PDLIM5: variants seen among roughly 807,000 people sequenced by gnomAD.
PDLIM5 encodes the protein PDZ and LIM domain protein 5.
A neutral mutation model predicts 64.2 loss-of-function variants in PDLIM5; 34 were observed. The observed-to-expected ratio is 0.53, with a 90% CI of 0.40 to 0.71. The LOEUF (loss-of-function observed/expected upper bound fraction) is 0.71. Ranked by LOEUF, PDLIM5 falls within the 30% of genes least tolerant of loss-of-function variation. The probability of loss-of-function intolerance (pLI) is 0.00; values close to 1 mark genes in which losing one functional copy is unlikely to be tolerated. For missense variants in PDLIM5, 683 were observed against 733.6 expected (o/e 0.93, Z 0.80); for synonymous variants, 253 against 269.1 (o/e 0.94, Z 0.59).
chr4:94,660,400 G>A (rs543244698), intron 11 of PDLIM5, among the ~76,000 whole-genome samples: 17 of 151,946 alleles, frequency 1.1e-4, no homozygotes, highest in Admixed American at 2.0e-4. Context: ...CTATATTCAC[G>A]TTTCATTGCA....
chr4:94,622,885 GGTC>G (rs1739357522), intron 8 of PDLIM5, among the ~76,000 whole-genome samples: 1 of 152,038 alleles, frequency 6.6e-6, no homozygotes, highest in African/African-American at 2.4e-5. Context: ...TGGCCAGGAT[GGTC>G]TCAATCTCCT....
At chr4:94,548,187 A>T (rs753911116) in intron 3 of PDLIM5, among the ~76,000 whole-genome samples, 5 of 152,182 alleles carry the variant, frequency 3.3e-5, no homozygotes, top group Non-Finnish European at 7.3e-5. Flanking sequence ...AAGAAATGGA[A>T]GTTTGAGTAA....
chr4:94,626,119 A>G (rs1422939136), intron 8 of PDLIM5, among the ~76,000 whole-genome samples: 2 of 152,216 alleles, frequency 1.3e-5, no homozygotes, highest in African/African-American at 4.8e-5. Flanking sequence ...GCTTTTCAAA[A>G]TGAATAGTTA....
intron 5 of PDLIM5, among the ~76,000 whole-genome samples, chr4:94,576,755 G>T (rs146833574): frequency 6.6e-6 from 1 of 152,044 alleles, no homozygotes; most frequent in African/African-American, 2.4e-5. Flanking sequence ...GTTTCTTATC[G>T]TTTTTCCCTT....
intron 2 of PDLIM5, among the ~76,000 whole-genome samples, chr4:94,515,685 G>A (rs1379426237): frequency 7.2e-5 from 11 of 152,210 alleles, no homozygotes; most frequent in Admixed American, 4.6e-4. Context: ...TGCTTGCACA[G>A]AATTTGCATA....
chr4:94,521,424 A>G lies in PDLIM5; in HGVS notation c.97-2300A>G, dbSNP rs541126148. Among the ~76,000 whole-genome samples, 9 of 152,232 alleles carry G rather than the reference A, an allele frequency of 5.9e-5. 1 individual carries two copies. The South Asian group carries it at 1.2e-3, about 21-fold the overall frequency. On this transcript the variant is annotated intron_variant, in intron 2 of 12. Transcript: ENST00000317968. Reference sequence around the variant, plus strand: ...AGGAATGGAAGGATGGACAGATCACATTTACATTGTTACATTTAGTAATTT... The same window carrying G: ...AGGAATGGAAGGATGGACAGATCACGTTTACATTGTTACATTTAGTAATTT...
chr4:94,497,759 A>C (rs774990), intron 2 of PDLIM5, among the ~76,000 whole-genome samples: 63,772 of 151,964 alleles, frequency 0.42, 15,833 homozygotes, highest in South Asian at 0.72. Flanking sequence ...TGCCCATTAG[A>C]ATGTATATCT....
intron 3 of PDLIM5, among the ~76,000 whole-genome samples, chr4:94,572,317 T>A (rs1361759934): frequency 2.0e-5 from 3 of 152,206 alleles, no homozygotes; most frequent in Non-Finnish European, 4.4e-5. Context: ...GTAAATAGGC[T>A]TTAAAACATT....
intron 7 of PDLIM5, among the ~76,000 whole-genome samples, chr4:94,595,099 T>C (rs568248880): frequency 6.6e-6 from 1 of 152,182 alleles, no homozygotes; most frequent in East Asian, 1.9e-4. Context: ...CACACACTTT[T>C]AAACAACCAG....
intron 2 of PDLIM5, among the ~76,000 whole-genome samples, chr4:94,506,343 A>C (rs1204358567): frequency 6.6e-6 from 1 of 152,180 alleles, no homozygotes; most frequent in Non-Finnish European, 1.5e-5. Flanking sequence ...ATGATTGACA[A>C]AATACCTTAG....
intron 4 of PDLIM5, among the ~76,000 whole-genome samples, chr4:94,575,093 T>C (rs1735140467): frequency 6.6e-6 from 1 of 152,036 alleles, no homozygotes; most frequent in Admixed American, 6.5e-5. Flanking sequence ...TTTTGTTTTT[T>C]TAAACTTAAA....
intron 2 of PDLIM5, among the ~76,000 whole-genome samples, chr4:94,476,902 C>G (rs1463737605): frequency 6.6e-6 from 1 of 152,092 alleles, no homozygotes; most frequent in Non-Finnish European, 1.5e-5. Context: ...TTATAGAGTT[C>G]CTGTGAATAT....
chr4:94,509,931 C>G (rs191404763), intron 2 of PDLIM5, among the ~76,000 whole-genome samples: 6 of 152,196 alleles, frequency 3.9e-5, no homozygotes, highest in Non-Finnish European at 8.8e-5. Flanking sequence ...CTCACAGACA[C>G]ACCCGGGATC....
chr4:94,645,071 C>G (rs1741306573), intron 9 of PDLIM5, among the ~76,000 whole-genome samples: 1 of 152,160 alleles, frequency 6.6e-6, no homozygotes, highest in Non-Finnish European at 1.5e-5. Flanking sequence ...TCACCCACTT[C>G]CCATCCTTTC....
At position 94,618,053 on chromosome 4, in the gene PDLIM5, C is replaced by T. The variant is rs141653509; in HGVS notation, c.970C>T (p.Arg324Trp). 3.2e-4 allele frequency: 516 copies of T among 1,604,864 alleles called. 1 individual carries two copies. The African/African-American group carries it at 5.9e-3, about 18-fold the overall frequency. The change falls in exon 8 of 13, where the codon CGG becomes TGG. Residue 324 changes from arginine to tryptophan, a missense_variant. Physicochemically the swap from Arg to Trp is moderately radical, Grantham distance 101 (BLOSUM62 -3). Coordinates refer to ENST00000317968, the MANE Select transcript of PDLIM5 (RefSeq NM_006457.5). The stretch of plus-strand genomic sequence containing the variant: ...GTTGGCTTCCTCGGTAGCTTCCACA[C>T]GGAGCATGCCCGAGAGCCTGGACAG... ...PQLASSVAST[R>W]SMPESLDSPT... is the part of the protein sequence containing the mutation.
intron 8 of PDLIM5, among the ~76,000 whole-genome samples, chr4:94,631,065 CT>C (rs35302992): frequency 0.24 from 32,682 of 135,410 alleles, 3,257 homozygotes; most frequent in African/African-American, 0.31. Context: ...CCATGCCAAA[CT>C]TTTTTTTTTT....
intron 7 of PDLIM5, among the ~76,000 whole-genome samples, chr4:94,610,748 G>C (rs1040244005): frequency 1.3e-5 from 2 of 152,032 alleles, no homozygotes; most frequent in African/African-American, 4.8e-5. Flanking sequence ...GAATAAATTG[G>C]TTTTGTTTTC....
intron 7 of PDLIM5, chr4:94,587,153 CA>C: frequency 6.6e-7 from 1 of 1,515,114 alleles, no homozygotes; most frequent in Admixed American, 2.7e-5. Flanking sequence ...AACTTCATAG[CA>C]AAATCTGTAT....
chr4:94,535,718 C>T (rs568001067), intron 3 of PDLIM5, among the ~76,000 whole-genome samples: 3 of 152,132 alleles, frequency 2.0e-5, no homozygotes, highest in African/African-American at 4.8e-5. Flanking sequence ...ATTCGTGTTT[C>T]AGCATATACT....
Sources: allele counts gnomAD v4.1 joint callset (sites outside exome capture counted in the v4.1 genomes callset), GRCh38; gene constraint gnomAD v4.1.1; transcripts MANE v1.5; gene names NCBI Gene and HGNC (gene_info 2026-07-23, HGNC 2026-07-21).